NELFCD: variants seen among roughly 807,000 people sequenced by gnomAD.
The protein encoded by NELFCD is negative elongation factor complex member C/D.
NELFCD carries 48 observed loss-of-function variants against 72.9 expected under a neutral mutation model. That is an observed-to-expected ratio of 0.66 (90% CI 0.52 to 0.84). The LOEUF (loss-of-function observed/expected upper bound fraction) is 0.84, where lower values mean the gene tolerates loss of function less well. NELFCD is among the 40% of genes least tolerant of loss of function. The pLI, the probability that NELFCD is intolerant of heterozygous loss-of-function variation, is 0.00. For missense variants in NELFCD, 538 were observed against 723.8 expected (o/e 0.74, Z 2.94); for synonymous variants, 297 against 280.6 (o/e 1.06, Z -0.59).
intron 4 of NELFCD, chr20:58,988,018 A>T: frequency 1.7e-6 from 1 of 576,562 alleles, no homozygotes; most frequent in Middle Eastern, 3.6e-4. Flanking sequence ...CGCAAGAGGC[A>T]CACAGGTGCT....
intron 1 of NELFCD, among the ~76,000 whole-genome samples, chr20:58,985,295 T>C (rs567967968): frequency 2.0e-5 from 3 of 152,386 alleles, no homozygotes; most frequent in African/African-American, 7.2e-5. Flanking sequence ...GTCTCTCCTA[T>C]TAGTTTGTGA....
Position 58,986,200 on chromosome 20 carries a change from T to G in NELFCD, c.168T>G (p.Thr56=). 6.3e-7 allele frequency: 1 copy of G among 1,596,396 alleles called. No homozygotes were observed. The change falls in exon 2 of 15, where the codon ACT becomes ACG. Residue 56 remains threonine, a synonymous_variant. Transcript: ENST00000652272. This position sits in a 1 kb window ranked among gnomAD's most constrained non-coding sequence, Gnocchi z 4.4. ...DYIMEPSIFN[T]LKRYFQAGGS... ...TCATGGAACCCTCCATCTTCAACACTCTGAAGAGGTATGTGAGAAAGGTGT... is the reference window on the plus strand; with the variant it reads ...TCATGGAACCCTCCATCTTCAACACGCTGAAGAGGTATGTGAGAAAGGTGT...
At chr20:58,994,459 A>C (rs1184468496) in intron 14 of NELFCD, among the ~76,000 whole-genome samples, 183 bp from the exon 15 acceptor site, 1 of 150,824 alleles carries the variant, frequency 6.6e-6, no homozygotes, top group African/African-American at 2.4e-5. Flanking sequence ...GCTACTCGGG[A>C]GGCTGAGGCA....
In NELFCD at chr20:58,989,458, TC is replaced by T. The variant is rs765098647; in HGVS notation, c.505-26del. 5 of 1,610,154 alleles carry T rather than the reference TC, an allele frequency of 3.1e-6. No homozygotes were observed. The African/African-American group carries it at 6.7e-5, about 22-fold the overall frequency. On this transcript the variant is annotated intron_variant, in intron 5 of 14. Coordinates refer to ENST00000652272, the MANE Select transcript of NELFCD (RefSeq NM_198976.4). ...CGTGGAGGTGCGGTCACTGCATGCC[TC>T]CCCTCTGACTTCTTGTTTTGTGTCC... is the stretch of plus-strand genomic sequence containing the variant.
In NELFCD at chr20:58,991,959, AAC is replaced by A; in HGVS notation, c.1169_1170del (p.Asn390ArgfsTer7). 1 of 1,614,226 alleles carries A rather than the reference AAC, an allele frequency of 6.2e-7. No homozygotes were observed. Among genetic ancestry groups the A allele is most frequent in the East Asian group, 2.2e-5 (1 of 44,886 alleles). ...CGAAACCGTTCACAATTTGTGTTGCAACGAGAACAAAGGGGCCTCTGAACTAG... is the reference window on the plus strand; with the variant it reads ...CGAAACCGTTCACAATTTGTGTTGCAGAGAACAAAGGGGCCTCTGAACTAG... ...AVETVHNLCC[N>X]ENKGASELVA... On this transcript the variant is annotated frameshift_variant, in exon 10 of 15. Coordinates refer to ENST00000652272, the MANE Select transcript of NELFCD (RefSeq NM_198976.4). LOFTEE classifies it high-confidence loss of function.
Position 58,987,847 on chromosome 20 carries a change from C to T in NELFCD, c.396+30C>T, listed in dbSNP as rs762977805. ...GAAATTATTTTTCTTTGCCTAGTAC[C>T]AGGCCCTAGGGTCTTTTGCAAATTC... is the stretch of plus-strand genomic sequence containing the variant. On this transcript the variant is annotated intron_variant, in intron 4 of 14. Transcript: ENST00000652272. The T allele has an allele frequency of 3.5e-5, 54 of 1,553,274 alleles. No homozygotes were observed. The Middle Eastern group carries it at 6.7e-4, about 19-fold the overall frequency.
chr20:58,993,656 G>A lies in NELFCD; in HGVS notation c.1473G>A (p.Met491Ile). 3.1e-6 allele frequency: 5 copies of A among 1,614,224 alleles called. No homozygotes were observed. Among genetic ancestry groups the A allele is most frequent in the Non-Finnish European group, 4.2e-6 (5 of 1,180,046 alleles). Residue 491 changes from methionine to isoleucine, a missense_variant, in exon 13 of 15, where the codon ATG becomes ATA. Transcript: ENST00000652272. The surrounding 1 kb of genome is among the most constrained non-coding windows in gnomAD (Gnocchi z 5.0). ...TGAAGAAGACACTGCTGGACAGGATGGTTCACCTGCTGAGTCGAGGTTATG... is the reference window on the plus strand; with the variant it reads ...TGAAGAAGACACTGCTGGACAGGATAGTTCACCTGCTGAGTCGAGGTTATG... ...LELKKTLLDRMVHLLSRGYVL... is the reference protein window; with the variant it reads ...LELKKTLLDRIVHLLSRGYVL...
Position 58,993,497 on chromosome 20 carries a change from G to T in NELFCD, c.1393G>T (p.Val465Phe). 1 of 1,614,196 alleles carries T rather than the reference G, an allele frequency of 6.2e-7. No homozygotes were observed. Among genetic ancestry groups the T allele is most frequent in the Non-Finnish European group, 8.5e-7 (1 of 1,180,048 alleles). The change falls in exon 12 of 15, where the codon GTT becomes TTT. Residue 465 changes from valine (V) to phenylalanine (F), a missense_variant. By Grantham distance (50) the Val-to-Phe change is conservative. Transcript: ENST00000652272. The surrounding 1 kb of genome is among the most constrained non-coding windows in gnomAD (Gnocchi z 5.0). The part of the protein sequence containing the change: ...LLHPQVLQLL[V>F]KLFETEHSQL... ...GCACCCCCAGGTCCTGCAGCTGCTT[G>T]TTAAGCTTTTTGAGACTGAGCACTC... is the stretch of plus-strand genomic sequence containing the variant.
In NELFCD at chr20:58,992,015, T is replaced by C. The variant is rs764421204; in HGVS notation, c.1224T>C (p.Cys408=). 1 of 1,608,868 alleles carries C rather than the reference T, an allele frequency of 6.2e-7. No homozygotes were observed. Among genetic ancestry groups the C allele is most frequent in the East Asian group, 2.2e-5 (1 of 44,790 alleles). Residue 408 remains cysteine (C), a synonymous_variant, in exon 10 of 15, where the codon TGT becomes TGC. Coordinates refer to ENST00000652272, the MANE Select transcript of NELFCD (RefSeq NM_198976.4). The part of the protein sequence containing the change: ...LVAELSTLYQ[C]IRFPVVAMGV... ...CAGAATTGAGCACACTTTATCAGTG[T>C]ATTAGGTAAGCAAAACGAAACTCAG...
intron 1 of NELFCD, among the ~76,000 whole-genome samples, chr20:58,984,922 G>A (rs778868172): frequency 6.6e-6 from 1 of 152,196 alleles, no homozygotes; most frequent in Non-Finnish European, 1.5e-5. Flanking sequence ...GGGGCTCAGC[G>A]TTCCCCATGC....
At chr20:58,981,963 A>G (rs1601208309) in intron 1 of NELFCD, among the ~76,000 whole-genome samples, 1 of 151,788 alleles carries the variant, frequency 6.6e-6, no homozygotes, top group Non-Finnish European at 1.5e-5. Flanking sequence ...AGGAGGGATC[A>G]CTGTTCCACC....
intron 3 of NELFCD, 184 bp downstream of exon 3, chr20:58,987,047 C>T (rs2273359): frequency 2.1e-5 from 11 of 535,380 alleles, no homozygotes; most frequent in Middle Eastern, 4.7e-4. Flanking sequence ...CTGCTTGCCT[C>T]TTATCTTTGA....
chr20:58,990,244 T>TA (rs2091805866), intron 7 of NELFCD: 4 of 433,274 alleles, frequency 9.2e-6, no homozygotes, highest in Non-Finnish European at 1.7e-5. Flanking sequence ...TAAACAAAAA[T>TA]ACAAAATTAG....
At chr20:58,983,296 C>A (rs1358927601) in intron 1 of NELFCD, among the ~76,000 whole-genome samples, 1 of 151,778 alleles carries the variant, frequency 6.6e-6, no homozygotes, top group Non-Finnish European at 1.5e-5. Flanking sequence ...GCCATCATGT[C>A]CGGCTAATTT....
In NELFCD at chr20:58,989,364, G is replaced by A. The variant is rs6128476; in HGVS notation, c.505-124G>A. ...GGTGATAGCAGGGTGAGGGCGGAGT[G>A]AAGGCCTGAGACCCACGACCAGCGC... On this transcript the variant is annotated intron_variant, in intron 5 of 14. Coordinates refer to ENST00000652272, the MANE Select transcript of NELFCD (RefSeq NM_198976.4). 746 of 1,126,440 alleles carry A rather than the reference G, an allele frequency of 6.6e-4. 5 individuals are homozygous for A. In the East Asian group the frequency reaches 0.015, roughly 23 times the overall value. 69.8% of individuals were successfully genotyped at this position (1,126,440 alleles called of 1,614,324 possible).
Position 58,992,009 on chromosome 20 carries a change from T to C in NELFCD, c.1218T>C (p.Tyr406=), listed in dbSNP as rs1273356410. ...TAGTGGCAGAATTGAGCACACTTTA[T>C]CAGTGTATTAGGTAAGCAAAACGAA... is the stretch of plus-strand genomic sequence containing the variant. ...SELVAELSTL[Y]QCIRFPVVAM... Residue 406 remains tyrosine, a synonymous_variant, in exon 10 of 15, where the codon TAT becomes TAC. Transcript: ENST00000652272. The C allele has an allele frequency of 1.9e-6, 3 of 1,614,128 alleles. No homozygotes were observed. The highest frequency in any genetic ancestry group is 2.5e-6 in the Non-Finnish European group (3 of 1,179,996).
rs376830862 is a variant in NELFCD at position 58,993,535 on chromosome 20, G to A, written c.1431G>A (p.Val477=). Residue 477 remains valine (V), a synonymous_variant, in exon 12 of 15, where the codon GTG becomes GTA. Coordinates refer to ENST00000652272, the MANE Select transcript of NELFCD (RefSeq NM_198976.4). The surrounding 1 kb of genome is among the most constrained non-coding windows in gnomAD (Gnocchi z 5.0). ...AGACTGAGCACTCCCAGCTGGACGTGATGGAGCAGGTGAGCAGTGCCCGTG... is the reference window on the plus strand; with the variant it reads ...AGACTGAGCACTCCCAGCTGGACGTAATGGAGCAGGTGAGCAGTGCCCGTG... The part of the protein sequence containing the change: ...LFETEHSQLD[V]MEQLELKKTL... 198 of 1,614,130 alleles carry A rather than the reference G, an allele frequency of 1.2e-4. No individual in the cohort carries two copies. The highest frequency in any genetic ancestry group is 1.5e-4 in the Non-Finnish European group (180 of 1,180,060).
At chr20:58,987,357 A>G in intron 3 of NELFCD, 2 of 303,850 alleles carry the variant, frequency 6.6e-6, no homozygotes, top group Admixed American at 4.9e-5. Flanking sequence ...ATTAGATACA[A>G]GTGTGTCTCT....
At chr20:58,994,384 A>G in intron 14 of NELFCD, 145 bp downstream of exon 14, 1 of 809,886 alleles carries the variant, frequency 1.2e-6, no homozygotes, top group Non-Finnish European at 2.0e-6. Flanking sequence ...ACCAACATGG[A>G]GAAACCCCAT....
Sources: gnomAD v4.1 joint callset for allele counts (sites outside exome capture counted in the v4.1 genomes callset) on GRCh38, gnomAD v4.1.1 for gene constraint, Gnocchi (gnomAD v3.1) non-coding constraint, MANE v1.5 for transcripts, NCBI Gene and HGNC (gene_info 2026-07-23, HGNC 2026-07-21) for gene names.